Variants in TGM6 observed in about 807,000 individuals in gnomAD.
TGM6 encodes transglutaminase 6.
TGM6 carries 74 observed loss-of-function variants against 77.5 expected under a neutral mutation model. That is an observed-to-expected ratio of 0.96 (90% CI 0.79 to 1.16). The LOEUF (loss-of-function observed/expected upper bound fraction) is 1.16, where lower values mean the gene tolerates loss of function less well. Ranked by LOEUF, TGM6 falls within the 50% of genes most tolerant of loss-of-function variation. TGM6 has a pLI of 0.00. For synonymous variants in TGM6, 383 were observed against 378.9 expected (o/e 1.01, Z -0.12); for missense variants, 968 against 940.2 (o/e 1.03, Z -0.39).
intron 1 of TGM6, among the ~76,000 whole-genome samples, chr20:2,394,074 G>A (rs1051942105): frequency 6.6e-6 from 1 of 152,074 alleles, no homozygotes; most frequent in Non-Finnish European, 1.5e-5. Context: ...CAGATCACCT[G>A]AGGTCAGGAG....
chr20:2,419,348 T>C (rs917728723), intron 10 of TGM6, among the ~76,000 whole-genome samples: 3 of 152,230 alleles, frequency 2.0e-5, no homozygotes, highest in Non-Finnish European at 4.4e-5. Flanking sequence ...GCTTGTGGAT[T>C]TTCGCAGGGT....
At chr20:2,391,083 A>ATT (rs2084626445) in intron 1 of TGM6, among the ~76,000 whole-genome samples, 1 of 151,628 alleles carries the variant, frequency 6.6e-6, no homozygotes, top group African/African-American at 2.4e-5. Flanking sequence ...GTGATCTTAG[A>ATT]TTTTAACAGG....
At position 2,431,025 on chromosome 20, in the gene TGM6, C is replaced by T. The variant is rs375418283; in HGVS notation, c.1965C>T (p.Ile655=). Residue 655 remains isoleucine, a splice_region_variant and synonymous_variant, in exon 12 of 13, where the codon ATC becomes ATT. Coordinates refer to ENST00000202625, the MANE Select transcript of TGM6 (RefSeq NM_198994.3). ...GCCTTCTCCAGGAACAGCTCAGCATCGAGTAAGTGCCAGCCTGGGGGGCTG... is the reference window on the plus strand; with the variant it reads ...GCCTTCTCCAGGAACAGCTCAGCATTGAGTAAGTGCCAGCCTGGGGGGCTG... ...GSGLLQEQLS[I]DVPTLEPQER... The T allele has an allele frequency of 1.7e-5, 27 of 1,613,750 alleles. No individual in the cohort carries two copies. The highest frequency in any genetic ancestry group is 1.6e-4 in the Middle Eastern group (1 of 6,082).
At position 2,396,737 on chromosome 20, in the gene TGM6, C is replaced by G. The variant is rs1364495978; in HGVS notation, c.543+113C>G. ...TCAGGAGGGACAAGGGGGGCTCACT[C>G]CTAGAGAAAACCCACTCATTCATTC... On this transcript the variant is annotated intron_variant, in intron 4 of 12. Transcript: ENST00000202625. 4.1e-6 allele frequency: 4 copies of G among 973,734 alleles called. No individual in the cohort carries two copies. In the African/African-American group the frequency reaches 6.4e-5, roughly 16 times the overall value. The allele number at this position is 973,734 out of a possible 1,614,324, so 60.3% of individuals were successfully genotyped here. A position where few individuals can be genotyped will look rare whatever the true frequency, so the allele number is the denominator to read the frequency against.
rs774963727 is a variant in TGM6 at position 2,403,737 on chromosome 20, CGAA to C, written c.1256_1258del (p.Lys419del). The C allele has an allele frequency of 8.1e-6, 13 of 1,614,208 alleles. No homozygotes were observed. In the South Asian group the frequency reaches 1.4e-4, roughly 18 times the overall value. On this transcript the variant is annotated inframe_deletion, in exon 9 of 13. Coordinates refer to ENST00000202625, the MANE Select transcript of TGM6 (RefSeq NM_198994.3). ...AGCCGGGAGCGTGTATACTCAAACACGAAGAAGATTGGGAGATGCATCAGCACC... is the reference window on the plus strand; with the variant it reads ...AGCCGGGAGCGTGTATACTCAAACACGAAGATTGGGAGATGCATCAGCACC...
At chr20:2,396,206 T>G (rs572018826) in intron 3 of TGM6, among the ~76,000 whole-genome samples, 29 of 141,078 alleles carry the variant, frequency 2.1e-4, no homozygotes, top group Admixed American at 2.8e-4. Flanking sequence ...GAAAAGAAAA[T>G]AAGAAAAAAA....
At chr20:2,417,656 G>A in intron 10 of TGM6, 83 bp downstream of exon 10, 1 of 1,422,966 alleles carries the variant, frequency 7.0e-7, no homozygotes, top group Non-Finnish European at 9.6e-7. Context: ...GATTTCCCAG[G>A]ACTGCATTCA....
At position 2,430,441 on chromosome 20, in the gene TGM6, T is replaced by A. The variant is rs1341768814; in HGVS notation, c.1679-5T>A. ...CCCAACTCCCACTTCTGCTTTCCCTTCCAGAGAAGAGAATCCCAATTACAA... is the reference window on the plus strand; with the variant it reads ...CCCAACTCCCACTTCTGCTTTCCCTACCAGAGAAGAGAATCCCAATTACAA... On this transcript the variant is annotated splice_region_variant and splice_polypyrimidine_tract_variant and intron_variant, in intron 10 of 12. Coordinates refer to ENST00000202625, the MANE Select transcript of TGM6 (RefSeq NM_198994.3). 1 of 1,614,130 alleles carries A rather than the reference T, an allele frequency of 6.2e-7. No individual in the cohort carries two copies. Among genetic ancestry groups the A allele is most frequent in the South Asian group, 1.1e-5 (1 of 91,084 alleles).
chr20:2,422,802 A>C (rs964111614), intron 10 of TGM6, among the ~76,000 whole-genome samples: 1 of 151,996 alleles, frequency 6.6e-6, no homozygotes, highest in Middle Eastern at 3.4e-3. Flanking sequence ...AACAAAAAAA[A>C]TTAGCCAGGC....
rs1941039383 is a variant in TGM6, at chr20:2,430,594, C to T, written c.1827C>T (p.Thr609=). Residue 609 remains threonine (T), a synonymous_variant, in exon 11 of 13, where the codon ACC becomes ACT. Coordinates refer to ENST00000202625, the MANE Select transcript of TGM6 (RefSeq NM_198994.3). ...EKDITLEDFI[T]IKVLGPAMVG... ...ACATTACTCTAGAGGACTTCATCAC[C>T]ATCAAGGTGACCTCAGCCTGCATCT... 1.2e-6 allele frequency: 2 copies of T among 1,613,980 alleles called. No homozygotes were observed. Among genetic ancestry groups the T allele is most frequent in the Non-Finnish European group, 1.7e-6 (2 of 1,180,048 alleles).
At chr20:2,384,859 G>A (rs1329439860) in intron 1 of TGM6, among the ~76,000 whole-genome samples, 1 of 152,100 alleles carries the variant, frequency 6.6e-6, no homozygotes, top group African/African-American at 2.4e-5. Flanking sequence ...GTGCCTGGGG[G>A]GTACAGCCTC....
intron 10 of TGM6, among the ~76,000 whole-genome samples, chr20:2,428,279 C>T (rs907644425): frequency 2.6e-5 from 4 of 152,084 alleles, no homozygotes; most frequent in African/African-American, 9.7e-5. Context: ...AACCATTGTT[C>T]TAGGGAAAGG....
chr20:2,432,440 G>A (rs1474878419), intron 12 of TGM6, 50 bp from the exon 13 acceptor site: 3 of 1,611,410 alleles, frequency 1.9e-6, no homozygotes, highest in Non-Finnish European at 2.5e-6. Context: ...GCCAGACTCA[G>A]AATGGCAAGA....
At chr20:2,408,098 G>A (rs1156431106) in intron 9 of TGM6, among the ~76,000 whole-genome samples, 5 of 152,164 alleles carry the variant, frequency 3.3e-5, no homozygotes, top group African/African-American at 1.2e-4. Context: ...ATTCCAGGAA[G>A]ACAGAGTCCA....
intron 1 of TGM6, among the ~76,000 whole-genome samples, chr20:2,388,336 G>T (rs544360374): frequency 6.6e-6 from 1 of 152,304 alleles, no homozygotes; most frequent in South Asian, 2.1e-4. Context: ...TCTGATGCCT[G>T]TGGTGAAGCT....
At position 2,395,208 on chromosome 20, in the gene TGM6, G is replaced by A. The variant is rs748360640; in HGVS notation, c.196G>A (p.Glu66Lys). The change falls in exon 3 of 13, where the codon GAG becomes AAG. Residue 66 changes from glutamate (E) to lysine (K), a missense_variant. Physicochemically the swap from Glu to Lys is moderately conservative, Grantham distance 56. Coordinates refer to ENST00000202625, the MANE Select transcript of TGM6 (RefSeq NM_198994.3). The stretch of plus-strand genomic sequence containing the variant: ...CTCTCCTCCAGGACCCCGGGCTTCT[G>A]AGGCCCTCCACACCAAAGCTGTGTT... ...FTMETGPRAS[E>K]ALHTKAVFQT... 6.2e-7 allele frequency: 1 copy of A among 1,613,610 alleles called. No individual in the cohort carries two copies. The highest frequency in any genetic ancestry group is 2.2e-5 in the East Asian group (1 of 44,882).
At chr20:2,408,645 G>C (rs1314157241) in intron 9 of TGM6, among the ~76,000 whole-genome samples, 1 of 152,206 alleles carries the variant, frequency 6.6e-6, no homozygotes, top group African/African-American at 2.4e-5. Context: ...TAAGGAGTCT[G>C]AGCTGTATCA....
chr20:2,382,381 T>G (rs1339024589), intron 1 of TGM6, among the ~76,000 whole-genome samples: 2 of 152,190 alleles, frequency 1.3e-5, no homozygotes, highest in African/African-American at 4.8e-5. Flanking sequence ...TCCTCCAAGA[T>G]CTGCTTCTCA....
At chr20:2,419,557 A>G (rs1342213533) in intron 10 of TGM6, among the ~76,000 whole-genome samples, 1 of 152,250 alleles carries the variant, frequency 6.6e-6, no homozygotes, top group East Asian at 1.9e-4. Context: ...AAAATCACCT[A>G]TGATTCTACC....
Sources: allele counts gnomAD v4.1 joint callset (sites outside exome capture counted in the v4.1 genomes callset), GRCh38; gene constraint gnomAD v4.1.1; transcripts MANE v1.5; gene names NCBI Gene and HGNC (gene_info 2026-07-23, HGNC 2026-07-21).